Variants in CDC37L1 observed in about 807,000 individuals in gnomAD.
CDC37L1 encodes hsp90 co-chaperone Cdc37-like 1.
Under a neutral mutation model 45.9 loss-of-function variants are expected in CDC37L1, and 32 were observed. The observed-to-expected ratio is 0.70, with a 90% CI of 0.53 to 0.94. The LOEUF is 0.94. Ranked by LOEUF, CDC37L1 falls within the 40% of genes least tolerant of loss-of-function variation. The pLI, the probability that CDC37L1 is intolerant of heterozygous loss-of-function variation, is 0.00. For synonymous variants in CDC37L1, 150 were observed against 133.0 expected, an observed-to-expected ratio of 1.13 and a Z score of -0.88; for missense variants, 434 against 405.7, an observed-to-expected ratio of 1.07 and a Z score of -0.60.
chr9:4,705,397 T>G (rs977265844), intron 6 of CDC37L1, among the ~76,000 whole-genome samples: 8 of 152,194 alleles, frequency 5.3e-5, no homozygotes, highest in Admixed American at 3.9e-4. Context: ...ATTCCCAGTT[T>G]TTGAAATTGA....
intron 3 of CDC37L1, among the ~76,000 whole-genome samples, chr9:4,694,442 A>C (rs2130849823): frequency 6.6e-6 from 1 of 152,372 alleles, no homozygotes; most frequent in African/African-American, 2.4e-5. Flanking sequence ...GACTACCTGT[A>C]ACTGAACTTC....
intron 1 of CDC37L1, among the ~76,000 whole-genome samples, 166 bp from the exon 2 acceptor site, chr9:4,684,711 G>C (rs1170638489): frequency 6.6e-6 from 1 of 152,174 alleles, no homozygotes; most frequent in Non-Finnish European, 1.5e-5. Flanking sequence ...GAAGTTAGTT[G>C]ATGAAACAAG....
intron 3 of CDC37L1, among the ~76,000 whole-genome samples, chr9:4,691,438 TC>T (rs1434780299): frequency 1.3e-5 from 2 of 152,220 alleles, no homozygotes; most frequent in African/African-American, 4.8e-5. Context: ...GGTTTTCTGT[TC>T]CTTTGTTAGT....
At chr9:4,692,272 GTT>G (rs920971809) in intron 3 of CDC37L1, among the ~76,000 whole-genome samples, 4 of 142,840 alleles carry the variant, frequency 2.8e-5, no homozygotes, top group Middle Eastern at 3.8e-3. Flanking sequence ...TGATTTTAAT[GTT>G]TTTTTTTTTT....
At chr9:4,688,711 T>C in intron 3 of CDC37L1, 105 bp downstream of exon 3, 1 of 704,300 alleles carries the variant, frequency 1.4e-6, no homozygotes, top group Non-Finnish European at 2.3e-6. Context: ...AGTGGCAAAC[T>C]CCAATTTTGT....
In CDC37L1 at chr9:4,680,781, C is replaced by A. The variant is rs531577125; in HGVS notation, c.132+882C>A. Among the ~76,000 whole-genome samples the A allele has an allele frequency of 9.8e-5, 15 of 152,332 alleles. No individual in the cohort carries two copies. In the South Asian group the frequency reaches 2.7e-3, roughly 27 times the overall value. On this transcript the variant is annotated intron_variant, in intron 1 of 6. Coordinates refer to ENST00000381854, the MANE Select transcript of CDC37L1 (RefSeq NM_017913.4). Reference sequence around the variant, plus strand: ...ATGGATCATAAGTGTCTGCCGCCTTCTTGCAAAATGGGGTTCCCAAGAGTG... The same window carrying A: ...ATGGATCATAAGTGTCTGCCGCCTTATTGCAAAATGGGGTTCCCAAGAGTG...
Position 4,685,219 on chromosome 9 carries a change from T to C in CDC37L1, c.414+61T>C, listed in dbSNP as rs1841236330. ...AAACTGAAGTGTTTGTACAAACCAG[T>C]TGTGCGTATTTGGTAGCAAAGCAGC... On this transcript the variant is annotated intron_variant, in intron 2 of 6. Transcript: ENST00000381854. 6 of 1,253,404 alleles carry C rather than the reference T, an allele frequency of 4.8e-6. No homozygotes were observed. The South Asian group carries it at 7.8e-5, about 16-fold the overall frequency. The allele number at this position is 1,253,404 out of a possible 1,614,324, so 77.6% of individuals were successfully genotyped here. A position where few individuals can be genotyped will look rare whatever the true frequency, so the allele number is the denominator to read the frequency against.
Position 4,679,730 on chromosome 9 carries a change from A to G in CDC37L1, c.-38A>G. On this transcript the variant is annotated 5_prime_UTR_variant, in exon 1 of 7. Coordinates refer to ENST00000381854, the MANE Select transcript of CDC37L1 (RefSeq NM_017913.4). ...CAAGTCTGTTGGCAGTGGCAGTTGTAGGGCCAAGGGCGGTTGTAGGACCCG... is the reference window on the plus strand; with the variant it reads ...CAAGTCTGTTGGCAGTGGCAGTTGTGGGGCCAAGGGCGGTTGTAGGACCCG... 6.3e-7 allele frequency: 1 copy of G among 1,578,994 alleles called. No homozygotes were observed. Among genetic ancestry groups the G allele is most frequent in the Admixed American group, 1.8e-5 (1 of 55,968 alleles).
rs1274238276 is a variant in CDC37L1 at position 4,708,206 on chromosome 9, G to C, written c.*2094G>C. The C allele has an allele frequency of 6.6e-6, 1 of 151,512 alleles. No homozygotes were observed. The highest frequency in any genetic ancestry group is 1.9e-4 in the East Asian group (1 of 5,184). 9.4% of individuals were successfully genotyped at this position (151,512 alleles called of 1,614,324 possible). ...TTGAACTAATTCCTACCTTTTTTTT[G>C]TTTCTGAAGAAATAAAGAGTATATT... On this transcript the variant is annotated 3_prime_UTR_variant, in exon 7 of 7. Coordinates refer to ENST00000381854, the MANE Select transcript of CDC37L1 (RefSeq NM_017913.4).
At chr9:4,701,149 A>C (rs1189815573) in intron 5 of CDC37L1, among the ~76,000 whole-genome samples, 2 of 152,202 alleles carry the variant, frequency 1.3e-5, no homozygotes, top group Non-Finnish European at 2.9e-5. Context: ...CACTACTTGA[A>C]CTTAAAGCCT....
intron 5 of CDC37L1, among the ~76,000 whole-genome samples, chr9:4,701,167 A>G (rs1205160387): frequency 1.3e-5 from 2 of 152,202 alleles, no homozygotes; most frequent in African/African-American, 2.4e-5. Flanking sequence ...CCTGCATTCT[A>G]TTGGTAGGAT....
At chr9:4,694,852 AGAGT>A (rs1452297265) in intron 3 of CDC37L1, among the ~76,000 whole-genome samples, 1 of 152,220 alleles carries the variant, frequency 6.6e-6, no homozygotes, top group Non-Finnish European at 1.5e-5. Context: ...CCTGGGCAAC[AGAGT>A]GAGACTCCAT....
chr9:4,706,239 A>T lies in CDC37L1; in HGVS notation c.*127A>T. ...CGGTTTTTGATGGGAGGGAAAGAGTACTGAAATGTTTTGTAAATTTTTTTT... is the reference window on the plus strand; with the variant it reads ...CGGTTTTTGATGGGAGGGAAAGAGTTCTGAAATGTTTTGTAAATTTTTTTT... On this transcript the variant is annotated 3_prime_UTR_variant, in exon 7 of 7. Coordinates refer to ENST00000381854, the MANE Select transcript of CDC37L1 (RefSeq NM_017913.4). The T allele has an allele frequency of 4.0e-6, 2 of 495,354 alleles. No individual in the cohort carries two copies. Among genetic ancestry groups the T allele is most frequent in the African/African-American group, 1.9e-5 (1 of 51,990 alleles). The allele number at this position is 495,354 out of a possible 1,614,324, so 30.7% of individuals were successfully genotyped here.
chr9:4,692,517 G>A (rs961453732), intron 3 of CDC37L1, among the ~76,000 whole-genome samples: 1 of 152,154 alleles, frequency 6.6e-6, no homozygotes, highest in East Asian at 1.9e-4. Flanking sequence ...TGATCCGCCC[G>A]CCTCGGCCTC....
At chr9:4,703,103 C>G in intron 6 of CDC37L1, 2 of 1,541,950 alleles carry the variant, frequency 1.3e-6, no homozygotes, top group Non-Finnish European at 1.8e-6. Context: ...GATTTTAAGA[C>G]CAGCTTTAGC....
chr9:4,706,408 T>C lies in CDC37L1; in HGVS notation c.*296T>C, dbSNP rs893494467. ...TCAATTTTGGAATCAAGTATGAAAA[T>C]CTGCACAAATGCAATGTTTACAAGA... is the stretch of plus-strand genomic sequence containing the variant. On this transcript the variant is annotated 3_prime_UTR_variant, in exon 7 of 7. Coordinates refer to ENST00000381854, the MANE Select transcript of CDC37L1 (RefSeq NM_017913.4). The C allele has an allele frequency of 4.7e-6, 1 of 211,606 alleles. No homozygotes were observed. The highest frequency in any genetic ancestry group is 5.3e-5 in the Admixed American group (1 of 18,944). The allele number at this position is 211,606 out of a possible 1,614,324, so 13.1% of individuals were successfully genotyped here.
intron 3 of CDC37L1, among the ~76,000 whole-genome samples, chr9:4,692,871 CAG>C (rs1440458524): frequency 9.9e-5 from 15 of 152,228 alleles, no homozygotes; most frequent in Admixed American, 9.2e-4. Flanking sequence ...ATGGAAATGT[CAG>C]AGGAATTTCT....
At chr9:4,698,754 AT>A (rs1207486482) in intron 5 of CDC37L1, among the ~76,000 whole-genome samples, 5 of 152,102 alleles carry the variant, frequency 3.3e-5, no homozygotes, top group African/African-American at 1.2e-4. Flanking sequence ...TGTCGAAACT[AT>A]TTTCATAATA....
At chr9:4,683,265 T>G (rs544024562) in intron 1 of CDC37L1, among the ~76,000 whole-genome samples, 1 of 151,814 alleles carries the variant, frequency 6.6e-6, no homozygotes, top group South Asian at 2.1e-4. Context: ...AAACGTGAGT[T>G]TGCCTGAAGA....
Sources: allele counts gnomAD v4.1 joint callset (sites outside exome capture counted in the v4.1 genomes callset), GRCh38; gene constraint gnomAD v4.1.1; transcripts MANE v1.5; gene names NCBI Gene and HGNC (gene_info 2026-07-23, HGNC 2026-07-21).